The following ACOXL variants were observed in gnomAD, a reference collection of about 807,000 sequenced individuals.
The protein encoded by ACOXL is acyl-CoA oxidase like.
ACOXL carries 70 observed loss-of-function variants against 71.9 expected under a neutral mutation model. That is an observed-to-expected ratio of 0.97 (90% CI 0.80 to 1.19). The LOEUF is 1.19. ACOXL is among the 50% of genes most tolerant of loss of function. The pLI, the probability that ACOXL is intolerant of heterozygous loss-of-function variation, is 0.00. For missense variants in ACOXL, 703 were observed against 736.3 expected (o/e 0.95, Z 0.52); for synonymous variants, 253 against 281.6 (o/e 0.90, Z 1.02).
intron 16 of ACOXL, among the ~76,000 whole-genome samples, chr2:111,069,820 G>C (rs2067255095): frequency 6.6e-6 from 1 of 152,088 alleles, no homozygotes; most frequent in Non-Finnish European, 1.5e-5. Flanking sequence ...TACACAGTAG[G>C]TTATGTAGGA....
At chr2:110,787,549 A>G (rs1573514232) in intron 3 of ACOXL, among the ~76,000 whole-genome samples, 1 of 151,604 alleles carries the variant, frequency 6.6e-6, no homozygotes, top group African/African-American at 2.4e-5. Flanking sequence ...AAAAAAAAAA[A>G]AAAGAAAAAG....
chr2:110,756,739 A>G (rs748232765), intron 1 of ACOXL, among the ~76,000 whole-genome samples: 50 of 152,134 alleles, frequency 3.3e-4, no homozygotes, highest in Non-Finnish European at 6.9e-4. Flanking sequence ...TTTGTCTTAC[A>G]TATATTAAAT....
chr2:110,873,979 G>GC (rs370003150), intron 10 of ACOXL, among the ~76,000 whole-genome samples: 1 of 152,212 alleles, frequency 6.6e-6, no homozygotes, highest in Non-Finnish European at 1.5e-5. Flanking sequence ...CAGCCCTAGG[G>GC]CCCTATCCAT....
chr2:110,939,196 C>G (rs965347488), intron 12 of ACOXL, among the ~76,000 whole-genome samples: 5 of 152,290 alleles, frequency 3.3e-5, no homozygotes, highest in Non-Finnish European at 7.4e-5. Flanking sequence ...TGAGCATCAT[C>G]TGTGGAGGGC....
chr2:110,918,273 A>C (rs531689738), intron 11 of ACOXL, among the ~76,000 whole-genome samples: 35 of 152,186 alleles, frequency 2.3e-4, no homozygotes, highest in Non-Finnish European at 4.9e-4. Context: ...CAGTCATCTG[A>C]TCTTTGACAA....
intron 12 of ACOXL, among the ~76,000 whole-genome samples, chr2:110,979,323 T>C (rs1558818651): frequency 6.6e-6 from 1 of 152,150 alleles, no homozygotes; most frequent in East Asian, 1.9e-4. Flanking sequence ...TCCAGTTCCA[T>C]TGACACTGGA....
chr2:110,951,304 A>G (rs2061326160), intron 12 of ACOXL, among the ~76,000 whole-genome samples: 1 of 152,258 alleles, frequency 6.6e-6, no homozygotes, highest in Admixed American at 6.5e-5. Context: ...CTTATAATCA[A>G]CAACCTAGTT....
intron 14 of ACOXL, among the ~76,000 whole-genome samples, chr2:111,013,427 G>T (rs376722355): frequency 6.6e-6 from 1 of 150,734 alleles, no homozygotes; most frequent in East Asian, 2.0e-4. Context: ...GGAGGCTGAG[G>T]CAGGAGAATC....
At chr2:110,756,042 A>T (rs2104852663) in intron 1 of ACOXL, among the ~76,000 whole-genome samples, 1 of 152,336 alleles carries the variant, frequency 6.6e-6, no homozygotes, top group South Asian at 2.1e-4. Flanking sequence ...ATTGTCTAAC[A>T]TGTCTCTGTT....
chr2:110,807,716 G>A (rs1686840393), intron 9 of ACOXL, among the ~76,000 whole-genome samples: 1 of 152,174 alleles, frequency 6.6e-6, no homozygotes, highest in Admixed American at 6.5e-5. Flanking sequence ...AGCGTCTCTG[G>A]TGAGGATGAT....
intron 12 of ACOXL, among the ~76,000 whole-genome samples, chr2:110,966,608 T>C (rs2061941274): frequency 6.6e-6 from 1 of 152,226 alleles, no homozygotes; most frequent in Non-Finnish European, 1.5e-5. Context: ...GCTGAGCCTC[T>C]TGCCTCACCT....
chr2:110,915,685 C>T lies in ACOXL; in HGVS notation c.905+6780C>T, dbSNP rs568850115. Among the ~76,000 whole-genome samples the T allele has an allele frequency of 3.1e-3, 469 of 151,964 alleles. 3 individuals are homozygous for T. Among genetic ancestry groups the T allele is most frequent in the African/African-American group, 0.011 (442 of 41,436 alleles). On this transcript the variant is annotated intron_variant, in intron 11 of 17. Coordinates refer to ENST00000439055, the MANE Select transcript of ACOXL (RefSeq NM_001142807.4). ...TCAGGTGATCCACCCACTTCGGCCTCTCAAAGTGCTGGGATTACAGGCGTG... is the reference window on the plus strand; with the variant it reads ...TCAGGTGATCCACCCACTTCGGCCTTTCAAAGTGCTGGGATTACAGGCGTG...
intron 12 of ACOXL, 44 bp downstream of exon 12, chr2:110,933,686 A>G (rs1424120027): frequency 1.2e-5 from 19 of 1,571,262 alleles, no homozygotes; most frequent in Middle Eastern, 2.3e-4. Flanking sequence ...CCACGATACA[A>G]CCCACACTGG....
intron 14 of ACOXL, among the ~76,000 whole-genome samples, chr2:111,031,076 C>G (rs1477786142): frequency 6.6e-6 from 1 of 152,238 alleles, no homozygotes; most frequent in African/African-American, 2.4e-5. Flanking sequence ...CTATTTGTCA[C>G]ATGCATAAAT....
chr2:110,737,041 A>C (rs897822140), intron 1 of ACOXL, among the ~76,000 whole-genome samples: 9 of 152,020 alleles, frequency 5.9e-5, no homozygotes, highest in East Asian at 1.9e-4. Context: ...TTTTTCTTGG[A>C]GTTCATATAC....
At chr2:110,889,781 G>A (rs1574005217) in intron 10 of ACOXL, among the ~76,000 whole-genome samples, 1 of 152,134 alleles carries the variant, frequency 6.6e-6, no homozygotes, top group Admixed American at 6.6e-5. Context: ...TTTGGCTAGT[G>A]TGAATATGCT....
chr2:110,828,041 G>A (rs144048542), intron 9 of ACOXL, among the ~76,000 whole-genome samples: 1 of 152,242 alleles, frequency 6.6e-6, no homozygotes, highest in East Asian at 1.9e-4. Flanking sequence ...CATGATCTCA[G>A]CTCACTGTAA....
intron 16 of ACOXL, among the ~76,000 whole-genome samples, chr2:111,065,482 C>G (rs1184710367): frequency 6.6e-6 from 1 of 152,108 alleles, no homozygotes; most frequent in African/African-American, 2.4e-5. Flanking sequence ...GGTTCACACC[C>G]AAAGCGTGAT....
At chr2:110,895,001 A>G (rs566890288) in intron 10 of ACOXL, among the ~76,000 whole-genome samples, 1 of 152,322 alleles carries the variant, frequency 6.6e-6, no homozygotes, top group Admixed American at 6.5e-5. Context: ...TACAGTTTCA[A>G]ATGAAAATCA....
Sources: gnomAD v4.1 joint callset for allele counts (sites outside exome capture counted in the v4.1 genomes callset) on GRCh38, gnomAD v4.1.1 for gene constraint, MANE v1.5 for transcripts, NCBI Gene and HGNC (gene_info 2026-07-23, HGNC 2026-07-21) for gene names.